Variants in SYNE2 observed in about 807,000 individuals in gnomAD.
SYNE2 encodes spectrin repeat containing nuclear envelope protein 2.
Under a neutral mutation model 856.3 loss-of-function variants are expected in SYNE2, and 431 were observed. That is an observed-to-expected ratio of 0.50 (90% CI 0.47 to 0.55). The LOEUF is 0.55. Among genes scored for constraint, SYNE2 ranks in the 20% least tolerant of loss-of-function variants. The pLI is 0.00. For synonymous variants in SYNE2, 2,923 were observed against 2,872.3 expected (o/e 1.02, Z -0.56); for missense variants, 8,129 against 8,023.2 (o/e 1.01, Z -0.50).
At position 63,941,892 on chromosome 14, in the gene SYNE2, A is replaced by G; in HGVS notation, c.245A>G (p.Asp82Gly). The change falls in exon 5 of 116, where the codon GAT becomes GGT. Residue 82 changes from aspartate to glycine, a missense_variant. Asp to Gly is a moderately conservative substitution (Grantham distance 94, BLOSUM62 -1). Coordinates refer to ENST00000555002, the MANE Select transcript of SYNE2 (RefSeq NM_182914.3). ...TTTGCTTGAATTTCACAGCCTCGGG[A>G]TAAAGGATCTAATACCTTCCAGTGT... is the stretch of plus-strand genomic sequence containing the variant. ...EVLSGQQLPRDKGSNTFQCRI... is the reference protein window; with the variant it reads ...EVLSGQQLPRGKGSNTFQCRI... 8 of 1,613,444 alleles carry G rather than the reference A, an allele frequency of 5.0e-6. No individual in the cohort carries two copies. Among genetic ancestry groups the G allele is most frequent in the Non-Finnish European group, 3.4e-6 (4 of 1,179,918 alleles).
intron 1 of SYNE2, among the ~76,000 whole-genome samples, chr14:63,888,811 G>A (rs543970882): frequency 1.3e-5 from 2 of 152,134 alleles, no homozygotes; most frequent in African/African-American, 4.8e-5. Flanking sequence ...ATGTAATGCA[G>A]GCATTAAGAT....
At chr14:63,959,898 A>C (rs1270945879) in intron 8 of SYNE2, among the ~76,000 whole-genome samples, 1 of 152,206 alleles carries the variant, frequency 6.6e-6, no homozygotes, top group Admixed American at 6.5e-5. Context: ...CAACTAATGA[A>C]ATAGACACTA....
intron 2 of SYNE2, among the ~76,000 whole-genome samples, chr14:63,911,333 G>A (rs960530870): frequency 9.2e-5 from 14 of 152,168 alleles, no homozygotes; most frequent in African/African-American, 2.9e-4. Flanking sequence ...CTGAGATAAC[G>A]TGCTCCCTCC....
chr14:64,079,747 C>T (rs2097503198), intron 55 of SYNE2, among the ~76,000 whole-genome samples: 1 of 152,154 alleles, frequency 6.6e-6, no homozygotes, highest in Non-Finnish European at 1.5e-5. Context: ...CTCACCCTGT[C>T]ACCCAAGCTG....
At position 63,927,398 on chromosome 14, in the gene SYNE2, T is replaced by C. The variant is rs376875934; in HGVS notation, c.80-13216T>C. Among the ~76,000 whole-genome samples, 658 of 152,172 alleles carry C rather than the reference T, an allele frequency of 4.3e-3. 4 individuals carry two copies. The highest frequency in any genetic ancestry group is 0.015 in the African/African-American group (630 of 41,516). On this transcript the variant is annotated intron_variant, in intron 2 of 115. Coordinates refer to ENST00000555002, the MANE Select transcript of SYNE2 (RefSeq NM_182914.3). ...CCCCATCTGATATGGTTTGGCCATG[T>C]CCCCACCCAAATCTCATCTTGAATT...
chr14:64,219,480 G>A, intron 110 of SYNE2, 70 bp downstream of exon 110: 1 of 1,508,392 alleles, frequency 6.6e-7, no homozygotes, highest in Non-Finnish European at 9.2e-7. Context: ...TGCTGGACGA[G>A]CAGATCCCAT....
rs1388828229 is a variant in SYNE2, at chr14:64,110,262, G to A, written c.12609+2655G>A. Among the ~76,000 whole-genome samples the A allele has an allele frequency of 3.3e-5, 5 of 152,104 alleles. No homozygotes were observed. The East Asian group carries it at 9.6e-4, about 29-fold the overall frequency. On this transcript the variant is annotated intron_variant, in intron 65 of 115. Coordinates refer to ENST00000555002, the MANE Select transcript of SYNE2 (RefSeq NM_182914.3). Reference sequence around the variant, plus strand: ...CAGAAAATCAACTTGCATTTTAACTGCAGTTTTTTTTACTGATTACTGATT... The same window carrying A: ...CAGAAAATCAACTTGCATTTTAACTACAGTTTTTTTTACTGATTACTGATT...
chr14:64,094,568 AAAG>A (rs1247298139), intron 61 of SYNE2, among the ~76,000 whole-genome samples: 4 of 152,186 alleles, frequency 2.6e-5, no homozygotes, highest in Non-Finnish European at 5.9e-5. Flanking sequence ...ATGGTACTCA[AAAG>A]AAGATTACAC....
intron 32 of SYNE2, among the ~76,000 whole-genome samples, chr14:64,014,425 T>TG (rs2096871757): frequency 6.6e-6 from 1 of 152,150 alleles, no homozygotes; most frequent in Non-Finnish European, 1.5e-5. Context: ...CATGGGTTTT[T>TG]TTTGTTTGTT....
intron 2 of SYNE2, among the ~76,000 whole-genome samples, chr14:63,929,473 GA>G (rs1402508578): frequency 1.3e-5 from 2 of 152,102 alleles, no homozygotes; most frequent in Non-Finnish European, 2.9e-5. Flanking sequence ...TAATGTGTCT[GA>G]AAAATTTTCT....
chr14:64,074,880 C>CAAAAA (rs34470891), intron 53 of SYNE2, among the ~76,000 whole-genome samples: 1 of 147,812 alleles, frequency 6.8e-6, no homozygotes. Flanking sequence ...GGCTCCATCT[C>CAAAAA]AAAAAAAAAA....
At position 64,159,446 on chromosome 14, in the gene SYNE2, T is replaced by A. The variant is rs769120290; in HGVS notation, c.16094+4T>A. ...AATGCCAAAATACTCATAAAAGGTA[T>A]GCTTTCAGATATAATTTGAATGATA... On this transcript the variant is annotated splice_donor_region_variant and intron_variant, in intron 87 of 115. Coordinates refer to ENST00000555002, the MANE Select transcript of SYNE2 (RefSeq NM_182914.3). 1.3e-5 allele frequency: 21 copies of A among 1,613,356 alleles called. No individual in the cohort carries two copies. The South Asian group carries it at 2.1e-4, about 16-fold the overall frequency.
At position 63,814,095 on chromosome 14, in the gene SYNE2, A is replaced by C. The variant is rs111373004; in HGVS notation, c.-304-38406A>C. On this transcript the variant is annotated intron_variant, in intron 1 of 23. Coordinates refer to the SYNE2 transcript ENST00000674003. ...AACAACAACAACAACAACAACAGCAACAACAATAACAAAAAACTAAAAAAA... is the reference window on the plus strand; with the variant it reads ...AACAACAACAACAACAACAACAGCACCAACAATAACAAAAAACTAAAAAAA... 1.3e-3 allele frequency among the ~76,000 whole-genome samples: 193 copies of C among 150,202 alleles called. 2 individuals carry two copies. Among genetic ancestry groups the C allele is most frequent in the African/African-American group, 4.5e-3 (183 of 40,294 alleles).
At chr14:64,022,928 G>A (rs2096947705) in intron 38 of SYNE2, 65 bp downstream of exon 38, 3 of 872,358 alleles carry the variant, frequency 3.4e-6, no homozygotes, top group Non-Finnish European at 5.6e-6. Flanking sequence ...GCATAGAACT[G>A]TATCAAAATA....
intron 10 of SYNE2, among the ~76,000 whole-genome samples, chr14:63,964,414 G>A (rs1023357977): frequency 1.3e-5 from 2 of 152,222 alleles, no homozygotes; most frequent in Non-Finnish European, 2.9e-5. Flanking sequence ...TTGAGTAGTC[G>A]TGATAGAGAC....
chr14:64,140,239 A>G (rs2098129007), intron 80 of SYNE2, among the ~76,000 whole-genome samples, 166 bp downstream of exon 80: 1 of 152,222 alleles, frequency 6.6e-6, no homozygotes, highest in Non-Finnish European at 1.5e-5. Context: ...TATACTGTTC[A>G]TTCGTTTATA....
intron 1 of SYNE2, among the ~76,000 whole-genome samples, chr14:63,831,596 C>G (rs1338182830): frequency 7.3e-6 from 1 of 136,520 alleles, no homozygotes; most frequent in African/African-American, 2.8e-5. Context: ...CACTCTGTCT[C>G]CCAGGCAGGA....
rs764753942 is a variant in SYNE2 at position 64,000,571 on chromosome 14, A to G, written c.3490A>G (p.Asn1164Asp). The change falls in exon 28 of 116, where the codon AAT (asparagine) becomes GAT (aspartate). Residue 1164 changes from asparagine to aspartate, a missense_variant. Coordinates refer to ENST00000555002, the MANE Select transcript of SYNE2 (RefSeq NM_182914.3). ...AKLTDLQVIK[N>D]ETDARWKEFE... ...TATGTGTTCCATCTAGGTCATAAAA[A>G]ATGAAACTGATGCTCGCTGGAAAGA... 2 of 1,613,326 alleles carry G rather than the reference A, an allele frequency of 1.2e-6. No homozygotes were observed. The highest frequency in any genetic ancestry group is 3.3e-5 in the Admixed American group (2 of 60,002).
intron 1 of SYNE2, among the ~76,000 whole-genome samples, chr14:63,783,874 G>A (rs1887417311): frequency 6.6e-6 from 1 of 152,144 alleles, no homozygotes; most frequent in African/African-American, 2.4e-5. Flanking sequence ...TTTGAACAGG[G>A]ACTGTAGATT....
Sources: gnomAD v4.1 joint callset for allele counts (sites outside exome capture counted in the v4.1 genomes callset) on GRCh38, gnomAD v4.1.1 for gene constraint, MANE v1.5 for transcripts, NCBI Gene and HGNC (gene_info 2026-07-23, HGNC 2026-07-21) for gene names.